NRF1: variants seen among roughly 807,000 people sequenced by gnomAD.
The protein encoded by NRF1 is nuclear respiratory factor 1, also known as alpha palindromic-binding protein.
In NRF1, 5 loss-of-function variants were observed where a neutral mutation model predicts 58.5. The ratio of observed to expected loss-of-function variants is 0.09; its 90% CI spans 0.04 to 0.18. The LOEUF is 0.18. NRF1 is among the 10% of genes least tolerant of loss of function. The pLI, the probability that NRF1 is intolerant of heterozygous loss-of-function variation, is 1.00. For missense variants in NRF1, 288 were observed against 657.7 expected (o/e 0.44, Z 6.15); for synonymous variants, 224 against 246.7 (o/e 0.91, Z 0.86).
chr7:129,725,634 A>C (rs1803435417), intron 9 of NRF1, among the ~76,000 whole-genome samples: 1 of 152,128 alleles, frequency 6.6e-6, no homozygotes, highest in Admixed American at 6.6e-5. Context: ...GCCTTATCTT[A>C]TCTTTTTGAA....
At chr7:129,670,515 G>A (rs1802023430) in intron 2 of NRF1, among the ~76,000 whole-genome samples, 1 of 152,104 alleles carries the variant, frequency 6.6e-6, no homozygotes, top group African/African-American at 2.4e-5. Flanking sequence ...GTTCATTTAG[G>A]TTTACAGGGA....
intron 4 of NRF1, among the ~76,000 whole-genome samples, chr7:129,682,630 TAAAA>T (rs771494622): frequency 1.1e-5 from 1 of 87,870 alleles, no homozygotes; most frequent in African/African-American, 3.7e-5. Flanking sequence ...CAAAAAAATG[TAAAA>T]AAAAAAAAAA....
intron 2 of NRF1, among the ~76,000 whole-genome samples, chr7:129,670,823 A>G (rs1029518738): frequency 1.3e-5 from 2 of 152,208 alleles, no homozygotes; most frequent in Non-Finnish European, 2.9e-5. Context: ...CTTTTCTGCC[A>G]GAATGCCTTC....
At chr7:129,691,874 A>G (rs1172200825) in intron 5 of NRF1, among the ~76,000 whole-genome samples, 2 of 151,814 alleles carry the variant, frequency 1.3e-5, no homozygotes, top group African/African-American at 4.8e-5. Context: ...TTACCTGATC[A>G]TCGATATGCT....
intron 8 of NRF1, 105 bp downstream of exon 8, chr7:129,711,681 T>G: frequency 1.2e-6 from 1 of 830,670 alleles, no homozygotes; most frequent in East Asian, 2.7e-5. Flanking sequence ...CGGCACTCTT[T>G]CATTTAAACC....
intron 10 of NRF1, among the ~76,000 whole-genome samples, chr7:129,753,899 G>A (rs966179379): frequency 6.6e-6 from 1 of 152,134 alleles, no homozygotes; most frequent in African/African-American, 2.4e-5. Flanking sequence ...GATAGGAGAG[G>A]GACAAGATTT....
chr7:129,666,719 A>G (rs1280867026), intron 2 of NRF1, among the ~76,000 whole-genome samples: 1 of 152,084 alleles, frequency 6.6e-6, no homozygotes, highest in East Asian at 1.9e-4. Flanking sequence ...TTTAGTAGAG[A>G]TGGGGTTTAC....
At chr7:129,634,569 A>G (rs1801129031) in intron 1 of NRF1, among the ~76,000 whole-genome samples, 1 of 152,184 alleles carries the variant, frequency 6.6e-6, no homozygotes, top group African/African-American at 2.4e-5. Context: ...ATGTACCACA[A>G]GTTGTTTATC....
intron 10 of NRF1, chr7:129,735,103 T>C (rs1803675294): frequency 2.0e-6 from 2 of 985,296 alleles, no homozygotes; most frequent in African/African-American, 3.5e-5. Context: ...CCCCCAGAGA[T>C]TTTGAAGAGC....
At chr7:129,728,358 G>T (rs916999194) in intron 10 of NRF1, among the ~76,000 whole-genome samples, 1 of 151,376 alleles carries the variant, frequency 6.6e-6, no homozygotes, top group Admixed American at 6.6e-5. Flanking sequence ...GTCCATGGTG[G>T]TGTGCGAGGC....
At chr7:129,622,453 T>C (rs1800820963) in intron 1 of NRF1, among the ~76,000 whole-genome samples, 1 of 152,162 alleles carries the variant, frequency 6.6e-6, no homozygotes, top group Non-Finnish European at 1.5e-5. Flanking sequence ...TATTTTTCTC[T>C]TAATGGAAAA....
intron 4 of NRF1, among the ~76,000 whole-genome samples, chr7:129,681,921 A>C (rs1341952197): frequency 8.1e-5 from 12 of 148,356 alleles, no homozygotes; most frequent in Non-Finnish European, 1.1e-4. Context: ...CCTCATCTCT[A>C]CAAAAAAAAA....
rs919351739 is a variant in NRF1 at position 129,661,827 on chromosome 7, C to T, written c.223+4253C>T. On this transcript the variant is annotated intron_variant, in intron 2 of 10. Transcript: ENST00000393232. Reference sequence around the variant, plus strand: ...TCCACATTTTTAGGTATCTTTTCAGCAGCACCCCACTCCTGGTACCAATTT... The same window carrying T: ...TCCACATTTTTAGGTATCTTTTCAGTAGCACCCCACTCCTGGTACCAATTT... 6.6e-5 allele frequency among the ~76,000 whole-genome samples: 10 copies of T among 150,948 alleles called. 1 individual carries two copies. The highest frequency in any genetic ancestry group is 4.1e-4 in the South Asian group (2 of 4,824).
chr7:129,633,526 T>C (rs1162448148), intron 1 of NRF1: 3 of 152,158 alleles, frequency 2.0e-5, no homozygotes, highest in African/African-American at 2.4e-5. Context: ...AGGAAAAGCA[T>C]GATACACAAT....
chr7:129,721,971 G>A (rs1036197640), intron 9 of NRF1, among the ~76,000 whole-genome samples: 3 of 152,140 alleles, frequency 2.0e-5, no homozygotes, highest in African/African-American at 4.8e-5. Context: ...AAGATTAGAC[G>A]CTTACAGATA....
At chr7:129,688,639 A>T (rs551244930) in intron 4 of NRF1, among the ~76,000 whole-genome samples, 7 of 152,170 alleles carry the variant, frequency 4.6e-5, no homozygotes, top group Non-Finnish European at 7.3e-5. Context: ...GAAACTTAAC[A>T]ATCATGGCAG....
At chr7:129,646,761 A>G (rs144157025) in intron 1 of NRF1, among the ~76,000 whole-genome samples, 6 of 152,356 alleles carry the variant, frequency 3.9e-5, no homozygotes, top group African/African-American at 1.2e-4. Context: ...AAAGTCTGGA[A>G]AACATGGTTG....
At chr7:129,666,809 G>A (rs1584623114) in intron 2 of NRF1, among the ~76,000 whole-genome samples, 2 of 152,286 alleles carry the variant, frequency 1.3e-5, no homozygotes, top group Admixed American at 6.5e-5. Flanking sequence ...GGGATTACAG[G>A]CGAGAGCCAC....
chr7:129,614,814 A>G (rs940944645), intron 1 of NRF1, among the ~76,000 whole-genome samples: 3 of 152,174 alleles, frequency 2.0e-5, no homozygotes, highest in African/African-American at 7.2e-5. Context: ...ATAATTATGC[A>G]CTTGTCTAAT....
Sources: gnomAD v4.1 joint callset for allele counts (sites outside exome capture counted in the v4.1 genomes callset) on GRCh38, gnomAD v4.1.1 for gene constraint, MANE v1.5 for transcripts, NCBI Gene and HGNC (gene_info 2026-07-23, HGNC 2026-07-21) for gene names.